SLC22A4: variants seen among roughly 807,000 people sequenced by gnomAD.
SLC22A4 encodes the protein ET transporter.
In SLC22A4, 39 loss-of-function variants were observed where a neutral mutation model predicts 56.6. The observed-to-expected ratio is 0.69, with a 90% CI of 0.53 to 0.90. SLC22A4 has a LOEUF of 0.90. Among genes scored for constraint, SLC22A4 ranks in the 40% least tolerant of loss-of-function variants. The pLI is 0.00. For synonymous variants in SLC22A4, 241 were observed against 281.4 expected (o/e 0.86, Z 1.44); for missense variants, 594 against 696.5 (o/e 0.85, Z 1.66).
rs1310924815 is a variant in SLC22A4, at chr5:132,340,634, T to C, written c.1514T>C (p.Leu505Pro). 3 of 1,599,960 alleles carry C rather than the reference T, an allele frequency of 1.9e-6. No homozygotes were observed. The highest frequency in any genetic ancestry group is 2.6e-6 in the Non-Finnish European group (3 of 1,168,560). ...SLTVLIGILT[L>P]FFPESLGMTL... ...ACTGTCCTGATTGGAATCCTCACCC[T>C]TTTTTTCCCTGAAAGTTTGGGAATG... Residue 505 changes from leucine to proline, a missense_variant, in exon 9 of 10, where the codon CTT (leucine) becomes CCT (proline). Physicochemically the swap from Leu to Pro is moderately conservative, Grantham distance 98. Coordinates refer to ENST00000200652, the MANE Select transcript of SLC22A4 (RefSeq NM_003059.3).
intron 6 of SLC22A4, 27 bp from the exon 7 acceptor site, chr5:132,334,691 T>C: frequency 1.3e-6 from 2 of 1,518,126 alleles, no homozygotes; most frequent in Non-Finnish European, 9.2e-7. Flanking sequence ...ACACCATCCC[T>C]TTGTCATTTT....
At chr5:132,295,179 C>A in intron 1 of SLC22A4, 170 bp downstream of exon 1, 1 of 801,022 alleles carries the variant, frequency 1.2e-6, no homozygotes, top group Non-Finnish European at 2.2e-6. Context: ...AGGACTCACG[C>A]GAGGCGCATT....
intron 1 of SLC22A4, chr5:132,295,515 T>G: frequency 5.8e-6 from 2 of 347,756 alleles, no homozygotes; most frequent in South Asian, 4.4e-5. Context: ...GGCCCCAGTT[T>G]CTCTAAGACA....
At chr5:132,313,293 T>TACCC (rs1324484774) in intron 2 of SLC22A4, among the ~76,000 whole-genome samples, 3 of 152,256 alleles carry the variant, frequency 2.0e-5, no homozygotes, top group Non-Finnish European at 2.9e-5. Context: ...ATCTGTGCTG[T>TACCC]ACCCACTTTC....
chr5:132,340,386 G>C (rs1751174901), intron 8 of SLC22A4, among the ~76,000 whole-genome samples, 179 bp from the exon 9 acceptor site: 1 of 152,158 alleles, frequency 6.6e-6, no homozygotes, highest in South Asian at 2.1e-4. Context: ...AAGGATTATA[G>C]ACATGCACAA....
chr5:132,307,912 C>G (rs1471505148), intron 1 of SLC22A4, among the ~76,000 whole-genome samples: 1 of 152,118 alleles, frequency 6.6e-6, no homozygotes, highest in Non-Finnish European at 1.5e-5. Flanking sequence ...AGAGTTAGTT[C>G]AAGGCTGAGG....
At chr5:132,334,616 T>C in intron 6 of SLC22A4, 102 bp from the exon 7 acceptor site, 1 of 826,312 alleles carries the variant, frequency 1.2e-6, no homozygotes, top group Non-Finnish European at 2.2e-6. Flanking sequence ...ATGAGGGTAG[T>C]GGCTACTTAT....
chr5:132,326,696 A>T (rs1750699990), intron 4 of SLC22A4, among the ~76,000 whole-genome samples: 1 of 152,272 alleles, frequency 6.6e-6, no homozygotes, highest in East Asian at 1.9e-4. Context: ...ATTGGGGCTC[A>T]TCTCCCAAAA....
At chr5:132,301,001 A>G (rs564849160) in intron 1 of SLC22A4, among the ~76,000 whole-genome samples, 1 of 152,378 alleles carries the variant, frequency 6.6e-6, no homozygotes, top group Non-Finnish European at 1.5e-5. Flanking sequence ...CCAAGACCTC[A>G]GAGAGAAGAG....
In SLC22A4 at chr5:132,322,204, T is replaced by G. The variant is rs1227771814; in HGVS notation, c.673T>G (p.Ser225Ala). 2 of 1,613,456 alleles carry G rather than the reference T, an allele frequency of 1.2e-6. No individual in the cohort carries two copies. Among genetic ancestry groups the G allele is most frequent in the Admixed American group, 1.7e-5 (1 of 59,996 alleles). The change falls in exon 4 of 10, where the codon TCA (serine) becomes GCA (alanine). Residue 225 changes from serine to alanine, a missense_variant. Coordinates refer to ENST00000200652, the MANE Select transcript of SLC22A4 (RefSeq NM_003059.3). ...FILGTEILGK[S>A]VRIIFSTLGV... ...AACAGGAACAGAAATTCTTGGCAAG[T>G]CAGTTCGTATTATATTCTCTACATT...
intron 8 of SLC22A4, among the ~76,000 whole-genome samples, chr5:132,337,269 CTTTTTTT>C (rs66717474): frequency 7.1e-3 from 341 of 48,230 alleles, no homozygotes; most frequent in African/African-American, 0.035. Flanking sequence ...TAAAGATTAC[CTTTTTTT>C]TTTTTTTTTT....
At chr5:132,336,689 A>G (rs1038395917) in intron 8 of SLC22A4, among the ~76,000 whole-genome samples, 2 of 152,222 alleles carry the variant, frequency 1.3e-5, no homozygotes, top group African/African-American at 4.8e-5. Context: ...AAAAATGTAT[A>G]TAAGTACATT....
rs58759726 is a variant in SLC22A4, at chr5:132,339,475, T to TACAC, written c.1445-1065_1445-1062dup. On this transcript the variant is annotated intron_variant, in intron 8 of 9. Coordinates refer to ENST00000200652, the MANE Select transcript of SLC22A4 (RefSeq NM_003059.3). ...AATTGGTTACCTACTGGTACACACG[T>TACAC]ACACACACACACACACACACACACA... is the stretch of plus-strand genomic sequence containing the variant. 6.9e-3 allele frequency among the ~76,000 whole-genome samples: 1,007 copies of TACAC among 146,454 alleles called. 7 individuals are homozygous for TACAC. The highest frequency in any genetic ancestry group is 0.014 in the African/African-American group (566 of 39,450).
At chr5:132,341,903 C>T (rs778943051) in intron 9 of SLC22A4, among the ~76,000 whole-genome samples, 1 of 151,922 alleles carries the variant, frequency 6.6e-6, no homozygotes, top group Admixed American at 6.6e-5. Context: ...GCCGAAATCG[C>T]GCCACTACAC....
rs200081770 is a variant in SLC22A4, at chr5:132,316,800, C to CAT, written c.652+3043_652+3044dup. Among the ~76,000 whole-genome samples, 19 of 152,132 alleles carry CAT rather than the reference C, an allele frequency of 1.2e-4. No individual in the cohort carries two copies. In the East Asian group the frequency reaches 2.7e-3, roughly 22 times the overall value. On this transcript the variant is annotated intron_variant, in intron 3 of 9. Coordinates refer to ENST00000200652, the MANE Select transcript of SLC22A4 (RefSeq NM_003059.3). ...TCAATGATGCAGCTTTTACCAGCCA[C>CAT]ATATATATATATTTTTTACTGTTTT... is the stretch of plus-strand genomic sequence containing the variant.
chr5:132,325,872 C>T (rs1038919531), intron 4 of SLC22A4, among the ~76,000 whole-genome samples: 3 of 152,196 alleles, frequency 2.0e-5, no homozygotes, highest in African/African-American at 7.2e-5. Flanking sequence ...ACACGCCCAC[C>T]CGTGTGCCAT....
At chr5:132,327,858 A>T (rs1303151190) in intron 5 of SLC22A4, among the ~76,000 whole-genome samples, 1 of 152,102 alleles carries the variant, frequency 6.6e-6, no homozygotes, top group African/African-American at 2.4e-5. Flanking sequence ...CATGTCTAGA[A>T]CCTTAAGGCC....
At chr5:132,306,389 ATATAT>A (rs1561535741) in intron 1 of SLC22A4, among the ~76,000 whole-genome samples, 2 of 23,614 alleles carry the variant, frequency 8.5e-5, no homozygotes, top group African/African-American at 2.3e-4. Context: ...CGTGAAATAT[ATATAT>A]ATATATATAT....
At chr5:132,340,310 T>C (rs1267660239) in intron 8 of SLC22A4, among the ~76,000 whole-genome samples, 1 of 152,124 alleles carries the variant, frequency 6.6e-6, no homozygotes, top group African/African-American at 2.4e-5. Flanking sequence ...CTGTCACACA[T>C]GACTGAGTAG....
Sources: gnomAD v4.1 joint callset for allele counts (sites outside exome capture counted in the v4.1 genomes callset) on GRCh38, gnomAD v4.1.1 for gene constraint, MANE v1.5 for transcripts, NCBI Gene and HGNC (gene_info 2026-07-23, HGNC 2026-07-21) for gene names.